The following STXBP5L variants were observed in gnomAD, a reference collection of about 807,000 sequenced individuals.
STXBP5L encodes the protein syntaxin-binding protein 5-like.
A neutral mutation model predicts 144.5 loss-of-function variants in STXBP5L; 65 were observed. That is an observed-to-expected ratio of 0.45 (90% CI 0.37 to 0.55). The LOEUF is 0.55. Ranked by LOEUF, STXBP5L falls within the 20% of genes least tolerant of loss-of-function variation. The probability of loss-of-function intolerance (pLI) is 0.00; values close to 1 mark genes in which losing one functional copy is unlikely to be tolerated. For missense variants in STXBP5L, 1,298 were observed against 1,405.5 expected, an observed-to-expected ratio of 0.92 and a Z score of 1.22; for synonymous variants, 505 against 469.6, an observed-to-expected ratio of 1.08 and a Z score of -0.97.
chr3:120,984,917 ATGT>A (rs1395155100), intron 3 of STXBP5L, among the ~76,000 whole-genome samples: 2 of 151,854 alleles, frequency 1.3e-5, no homozygotes, highest in African/African-American at 2.4e-5. Context: ...ATCAATTGAG[ATGT>A]TGTGTGTTTT....
chr3:121,061,343 G>A (rs2041267171), intron 5 of STXBP5L, among the ~76,000 whole-genome samples: 1 of 152,144 alleles, frequency 6.6e-6, no homozygotes, highest in Non-Finnish European at 1.5e-5. Flanking sequence ...GAGACTGTTC[G>A]TTATGATTTC....
intron 3 of STXBP5L, among the ~76,000 whole-genome samples, chr3:121,020,651 A>T (rs148119972): frequency 9.8e-4 from 149 of 152,232 alleles, no homozygotes; most frequent in Admixed American, 4.0e-3. Flanking sequence ...ATTTTTTATC[A>T]GGTGAAACTA....
rs564597507 is a variant in STXBP5L at position 121,351,010 on chromosome 3, G to A, written c.2177-27706G>A. On this transcript the variant is annotated intron_variant, in intron 20 of 26. Coordinates refer to ENST00000471454, the MANE Select transcript of STXBP5L (RefSeq NM_001308330.2). Reference sequence around the variant, plus strand: ...TGTTCCATTGCTGGTGAGGAGCTACGTTCCTTTGGAGGAGGAGAGGCGCTC... The same window carrying A: ...TGTTCCATTGCTGGTGAGGAGCTACATTCCTTTGGAGGAGGAGAGGCGCTC... Among the ~76,000 whole-genome samples, 12 of 152,242 alleles carry A rather than the reference G, an allele frequency of 7.9e-5. No homozygotes were observed. The East Asian group carries it at 1.2e-3, about 15-fold the overall frequency.
intron 22 of STXBP5L, among the ~76,000 whole-genome samples, chr3:121,386,278 A>G (rs752559229): frequency 2.6e-4 from 39 of 152,122 alleles, no homozygotes; most frequent in South Asian, 4.1e-4. Context: ...GTTCAAGTGT[A>G]CCCATTGTTT....
chr3:120,965,654 C>T (rs1214039351), intron 3 of STXBP5L, among the ~76,000 whole-genome samples: 2 of 152,200 alleles, frequency 1.3e-5, no homozygotes, highest in East Asian at 3.9e-4. Context: ...TGTTGTTAGT[C>T]TGATGGGCTT....
chr3:121,296,863 T>TGCACCAA (rs2051672648), intron 19 of STXBP5L, among the ~76,000 whole-genome samples: 6 of 152,184 alleles, frequency 3.9e-5, no homozygotes. Flanking sequence ...TCTCAGAATT[T>TGCACCAA]TTCTGCAAAA....
intron 5 of STXBP5L, among the ~76,000 whole-genome samples, chr3:121,054,978 G>T (rs559972857): frequency 1.3e-5 from 2 of 152,176 alleles, no homozygotes; most frequent in Non-Finnish European, 2.9e-5. Flanking sequence ...CTTTTTGGGA[G>T]GAAGAATTGA....
At chr3:120,980,184 T>C (rs1359982283) in intron 3 of STXBP5L, among the ~76,000 whole-genome samples, 1 of 152,204 alleles carries the variant, frequency 6.6e-6, no homozygotes, top group African/African-American at 2.4e-5. Context: ...CAGGAGAATA[T>C]ATATTGTGTG....
chr3:121,223,437 G>A (rs1469491129), intron 11 of STXBP5L, among the ~76,000 whole-genome samples: 1 of 152,134 alleles, frequency 6.6e-6, no homozygotes, highest in African/African-American at 2.4e-5. Context: ...AGGGTCCAGG[G>A]TGAAATCACT....
intron 3 of STXBP5L, among the ~76,000 whole-genome samples, chr3:120,969,396 G>GTT (rs57093267): frequency 7.6e-6 from 1 of 131,322 alleles, no homozygotes. Context: ...GATTATTTGT[G>GTT]TTTTTTTTTT....
intron 5 of STXBP5L, among the ~76,000 whole-genome samples, chr3:121,066,989 T>C (rs2041579331): frequency 6.6e-6 from 1 of 152,154 alleles, no homozygotes; most frequent in South Asian, 2.1e-4. Context: ...TTTTCAAATT[T>C]ATTAGCCTTA....
chr3:121,342,933 C>T (rs552860981), intron 20 of STXBP5L, among the ~76,000 whole-genome samples: 9 of 149,408 alleles, frequency 6.0e-5, no homozygotes, highest in African/African-American at 2.2e-4. Flanking sequence ...CTGACTTCCA[C>T]AATGGTTGAA....
intron 9 of STXBP5L, among the ~76,000 whole-genome samples, chr3:121,186,499 A>T (rs1229018911): frequency 1.3e-5 from 2 of 152,204 alleles, no homozygotes; most frequent in African/African-American, 2.4e-5. Context: ...AGTTTGTAGC[A>T]TGAAGCATTG....
At chr3:121,217,808 T>C (rs1057249670) in intron 10 of STXBP5L, among the ~76,000 whole-genome samples, 1 of 151,932 alleles carries the variant, frequency 6.6e-6, no homozygotes, top group Admixed American at 6.6e-5. Context: ...TGAGAGCAAA[T>C]AGATCCATAT....
chr3:121,313,395 A>AC (rs1258474076), intron 19 of STXBP5L, among the ~76,000 whole-genome samples: 2 of 86,314 alleles, frequency 2.3e-5, no homozygotes, highest in African/African-American at 9.6e-5. Context: ...CGGGGGGCTG[A>AC]CCCCCCACCT....
chr3:121,046,108 T>C (rs1307868941), intron 5 of STXBP5L, among the ~76,000 whole-genome samples: 1 of 152,190 alleles, frequency 6.6e-6, no homozygotes, highest in Non-Finnish European at 1.5e-5. Flanking sequence ...CTTTTCTGCA[T>C]CTATTGAGAT....
chr3:121,252,236 T>C (rs945282134), intron 15 of STXBP5L, among the ~76,000 whole-genome samples: 5 of 151,858 alleles, frequency 3.3e-5, no homozygotes, highest in Admixed American at 2.0e-4. Context: ...TGTGGCAGCA[T>C]GCGCCTGTGG....
intron 3 of STXBP5L, among the ~76,000 whole-genome samples, chr3:121,034,541 CTATCATCT>C (rs1228829878): frequency 7.3e-5 from 11 of 151,096 alleles, no homozygotes; most frequent in African/African-American, 2.4e-4. Context: ...ATCTATCTAT[CTATCATCT>C]ATCTATCCAT....
At chr3:121,262,853 G>A (rs2050428636) in intron 18 of STXBP5L, among the ~76,000 whole-genome samples, 2 of 152,306 alleles carry the variant, frequency 1.3e-5, no homozygotes, top group East Asian at 1.9e-4. Flanking sequence ...ATCTCCCTGG[G>A]ACAGAGCACC....
Sources: gnomAD v4.1 joint callset for allele counts (sites outside exome capture counted in the v4.1 genomes callset) on GRCh38, gnomAD v4.1.1 for gene constraint, MANE v1.5 for transcripts, NCBI Gene and HGNC (gene_info 2026-07-23, HGNC 2026-07-21) for gene names.